ZNF674: variants seen among roughly 807,000 people sequenced by gnomAD.
The protein encoded by ZNF674 is zinc finger family member 674.
In ZNF674, 2 loss-of-function variants were observed where a neutral mutation model predicts 7.0. The observed-to-expected ratio is 0.29, with a 90% CI of 0.12 to 0.90. The LOEUF (loss-of-function observed/expected upper bound fraction) is 0.90, where lower values mean the gene tolerates loss of function less well. ZNF674 is among the 40% of genes least tolerant of loss of function. ZNF674 has a pLI of 0.57. For missense variants in ZNF674, 297 were observed against 415.5 expected (o/e 0.71, Z 2.48); for synonymous variants, 103 against 145.2 (o/e 0.71, Z 2.09).
At chrX:46,527,435 C>T (rs940949956) in intron 5 of ZNF674, among the ~76,000 whole-genome samples, 4 of 110,913 alleles carry the variant, frequency 3.6e-5, no homozygotes, top group African/African-American at 9.8e-5. Flanking sequence ...CCCCTACACA[C>T]CTACTAGAAA....
intron 5 of ZNF674, among the ~76,000 whole-genome samples, chrX:46,513,031 G>A (rs192842770): frequency 1.5e-3 from 170 of 111,287 alleles, no homozygotes; most frequent in African/African-American, 5.2e-3. Context: ...TTGGGAGGCC[G>A]AGGCAGGCAG....
intron 5 of ZNF674, chrX:46,523,580 AG>A (rs1391184101): frequency 9.1e-6 from 1 of 110,400 alleles, no homozygotes; most frequent in Non-Finnish European, 1.9e-5. Context: ...CCGTCTGCCT[AG>A]GCCTCCCAAA....
intron 5 of ZNF674, among the ~76,000 whole-genome samples, chrX:46,505,497 G>A (rs189155743): frequency 1.8e-5 from 2 of 111,803 alleles, no homozygotes; most frequent in African/African-American, 6.5e-5. Flanking sequence ...TATGCCAGAC[G>A]TGGTGACTCA....
At chrX:46,522,357 C>T (rs1667753811) in intron 5 of ZNF674, among the ~76,000 whole-genome samples, 1 of 110,748 alleles carries the variant, frequency 9.0e-6, no homozygotes, top group Non-Finnish European at 1.9e-5. Context: ...CGGAAACAAC[C>T]CAAACACCAT....
intron 5 of ZNF674, among the ~76,000 whole-genome samples, chrX:46,507,793 T>A (rs1217470312): frequency 2.7e-5 from 3 of 112,034 alleles, no homozygotes; most frequent in Non-Finnish European, 5.6e-5. Context: ...CCTTCCACAG[T>A]GAAACATTTC....
intron 5 of ZNF674, among the ~76,000 whole-genome samples, chrX:46,526,674 A>G (rs995925869): frequency 9.0e-6 from 1 of 111,395 alleles, no homozygotes; most frequent in Non-Finnish European, 1.9e-5. Flanking sequence ...TTGGATATAC[A>G]TATGCAAAAA....
Position 46,501,307 on chromosome X carries a change from A to G in ZNF674, c.267T>C (p.Asp89=). The change falls in exon 6 of 6, where the codon GAT becomes GAC. Residue 89 remains aspartate (D), a synonymous_variant. Transcript: ENST00000683375. ...AEVWEVDEQI[D]HYKESQDKFL... ...ATTTGTCTTGGCTTTCCTTGTAGTG[A>G]TCTATCTGCTCGTCAACTTCCCAGA... 1 of 1,207,608 alleles carries G rather than the reference A, an allele frequency of 8.3e-7. No individual in the cohort carries two copies. Among genetic ancestry groups the G allele is most frequent in the Non-Finnish European group, 1.1e-6 (1 of 894,060 alleles).
intron 5 of ZNF674, among the ~76,000 whole-genome samples, chrX:46,514,652 G>C (rs1274459470): frequency 8.9e-6 from 1 of 112,163 alleles, no homozygotes; most frequent in East Asian, 2.8e-4. Context: ...TCAGTCTTTG[G>C]AATCTGCAAC....
intron 5 of ZNF674, among the ~76,000 whole-genome samples, chrX:46,519,192 G>C (rs1419411701): frequency 1.9e-5 from 2 of 107,484 alleles, no homozygotes; most frequent in African/African-American, 6.8e-5. Flanking sequence ...AACAGAGCGA[G>C]ACACCATCTC....
chrX:46,514,162 G>A lies in ZNF674; in HGVS notation c.239-12827C>T, dbSNP rs748613611. Among the ~76,000 whole-genome samples the A allele has an allele frequency of 8.1e-5, 9 of 111,676 alleles. No homozygotes were observed. In the East Asian group the frequency reaches 2.0e-3, roughly 24 times the overall value. On this transcript the variant is annotated intron_variant, in intron 5 of 5. Transcript: ENST00000683375. ...TTAGAGATAGCCATTGGAAAGCTGC[G>A]GCATTTTCTCTCTCCAATAGGTGAG... is the stretch of plus-strand genomic sequence containing the variant.
chrX:46,510,740 G>A (rs1368975960), intron 5 of ZNF674, among the ~76,000 whole-genome samples: 2 of 112,500 alleles, frequency 1.8e-5, no homozygotes, highest in African/African-American at 6.5e-5. Context: ...GCAGTGAGCC[G>A]AGATCGTGCC....
chrX:46,528,126 G>A lies in ZNF674; in HGVS notation c.238+224C>T, dbSNP rs772340883. The stretch of plus-strand genomic sequence containing the variant: ...GTAGAAATGGGATCTCAGAACAAGA[G>A]TGGCCACAATCTATGTGAATGCCAA... On this transcript the variant is annotated intron_variant, in intron 5 of 5. Transcript: ENST00000683375. 35 of 461,381 alleles carry A rather than the reference G, an allele frequency of 7.6e-5. No individual in the cohort carries two copies. In the African/African-American group the frequency reaches 8.0e-4, roughly 11 times the overall value. The allele number at this position is 461,381 out of a possible 1,213,427, so 38.0% of individuals were successfully genotyped here.
intron 2 of ZNF674, among the ~76,000 whole-genome samples, chrX:46,543,620 A>G (rs779643598): frequency 2.9e-4 from 32 of 111,553 alleles, no homozygotes; most frequent in African/African-American, 1.0e-3. Flanking sequence ...CCCTGCTCCC[A>G]CCCCACCACT....
intron 5 of ZNF674, among the ~76,000 whole-genome samples, chrX:46,520,119 C>T (rs1941879564): frequency 3.6e-5 from 4 of 111,580 alleles, no homozygotes; most frequent in African/African-American, 9.8e-5. Context: ...AAAAGAGTGA[C>T]GGTCAGGTGT....
intron 5 of ZNF674, among the ~76,000 whole-genome samples, chrX:46,517,349 C>T (rs1941786214): frequency 9.1e-6 from 1 of 109,822 alleles, no homozygotes; most frequent in Non-Finnish European, 1.9e-5. Flanking sequence ...CAGGACAATA[C>T]CAAAAGGTCC....
chrX:46,501,225 C>A lies in ZNF674; in HGVS notation c.349G>T (p.Glu117Ter). The change falls in exon 6 of 6, where the codon GAA (glutamate) becomes TAA (stop). Residue 117 changes from glutamate to a stop codon, truncating the protein, a stop_gained. Coordinates refer to ENST00000683375, the MANE Select transcript of ZNF674 (RefSeq NM_001190417.2). LOFTEE classifies it low-confidence loss of function (END_TRUNC). ...ATGATTTTTCTACATATTTTACATT[C>A]TTGACCACTTTCATCCTTCAGTGTT... ...KETLKDESGQ[E>*]CKICRKIIYL... The A allele has an allele frequency of 8.3e-7, 1 of 1,211,023 alleles. No homozygotes were observed. Among genetic ancestry groups the A allele is most frequent in the Non-Finnish European group, 1.1e-6 (1 of 895,059 alleles).
intron 3 of ZNF674, among the ~76,000 whole-genome samples, chrX:46,539,338 C>T (rs1444480314): frequency 8.9e-6 from 1 of 112,864 alleles, no homozygotes; most frequent in Non-Finnish European, 1.9e-5. Flanking sequence ...TATACTGCCG[C>T]TAGGAGTACA....
Position 46,500,186 on chromosome X carries a change from G to C in ZNF674, c.1388C>G (p.Pro463Arg). ...VHQRMHTGEK[P>R]YKCNECGKAF... ...TTTCCCACATTCGTTGCATTTATAG[G>C]GTTTCTCTCCTGTATGCATTCTCTG... The change falls in exon 6 of 6, where the codon CCC becomes CGC. Residue 463 changes from proline to arginine, a missense_variant. Transcript: ENST00000683375. 8.3e-7 allele frequency: 1 copy of C among 1,209,496 alleles called. No homozygotes were observed. Among genetic ancestry groups the C allele is most frequent in the Non-Finnish European group, 1.1e-6 (1 of 894,764 alleles).
intron 3 of ZNF674, among the ~76,000 whole-genome samples, chrX:46,531,228 T>C (rs1410411054): frequency 8.9e-6 from 1 of 112,289 alleles, no homozygotes; most frequent in African/African-American, 3.2e-5. Context: ...CCTTGCCCTA[T>C]GCATCTCTTC....
Sources: allele counts gnomAD v4.1 joint callset (sites outside exome capture counted in the v4.1 genomes callset), GRCh38; gene constraint gnomAD v4.1.1; transcripts MANE v1.5; gene names NCBI Gene and HGNC (gene_info 2026-07-23, HGNC 2026-07-21).